SGCD: variants seen among roughly 807,000 people sequenced by gnomAD.
SGCD encodes the protein delta-sarcoglycan.
In SGCD, 18 loss-of-function variants were observed where a neutral mutation model predicts 36.6. The observed-to-expected ratio is 0.49, with a 90% CI of 0.34 to 0.73. The LOEUF (loss-of-function observed/expected upper bound fraction) is 0.73. SGCD is among the 30% of genes least tolerant of loss of function. SGCD has a pLI of 0.01. For synonymous variants in SGCD, 133 were observed against 130.6 expected, an observed-to-expected ratio of 1.02 and a Z score of -0.12; for missense variants, 387 against 346.7, an observed-to-expected ratio of 1.12 and a Z score of -0.92.
chr5:155,796,595 G>T, the SGCD span, among the ~76,000 whole-genome samples: 1 of 151,756 alleles, frequency 6.6e-6, no homozygotes, highest in Non-Finnish European at 1.5e-5. Context: ...CCTGAGGTCG[G>T]GAGTTTGAGA....
At chr5:155,857,997 T>A in the SGCD span, among the ~76,000 whole-genome samples, 1 of 152,234 alleles carries the variant, frequency 6.6e-6, no homozygotes, top group Non-Finnish European at 1.5e-5. Context: ...TTTGGTTGAA[T>A]GCTTTTTATT....
chr5:155,869,700 G>A (rs1014059996), upstream of SGCD, among the ~76,000 whole-genome samples: 1 of 151,610 alleles, frequency 6.6e-6, no homozygotes, highest in Admixed American at 6.6e-5. Flanking sequence ...GTACAAAAGA[G>A]ATATGAAACT....
At chr5:156,755,756 T>A (rs1000760782) in intron 7 of SGCD, among the ~76,000 whole-genome samples, 3 of 151,954 alleles carry the variant, frequency 2.0e-5, no homozygotes, top group Non-Finnish European at 4.4e-5. Flanking sequence ...GAAGAAAAAA[T>A]TATTTACATA....
chr5:156,312,420 C>A (rs1767413635), intron 3 of SGCD, among the ~76,000 whole-genome samples: 1 of 152,112 alleles, frequency 6.6e-6, no homozygotes, highest in Non-Finnish European at 1.5e-5. Context: ...GATTCTAAAA[C>A]CCAAGTGAAA....
intron 3 of SGCD, among the ~76,000 whole-genome samples, chr5:156,230,138 C>A (rs1764978813): frequency 1.3e-5 from 2 of 152,082 alleles, no homozygotes; most frequent in African/African-American, 2.4e-5. Flanking sequence ...TGGTGCTTCC[C>A]TGTTTAGCTT....
the SGCD span, among the ~76,000 whole-genome samples, chr5:155,830,374 G>A: frequency 2.0e-5 from 3 of 152,066 alleles, no homozygotes; most frequent in Admixed American, 1.3e-4. Flanking sequence ...CTCCAGTTCT[G>A]TTGGATTAGG....
At chr5:155,740,562 C>T in the SGCD span, among the ~76,000 whole-genome samples, 10 of 152,258 alleles carry the variant, frequency 6.6e-5, no homozygotes, top group South Asian at 8.3e-4. Context: ...CTGGCCCATG[C>T]GCTCAATCTT....
intron 3 of SGCD, among the ~76,000 whole-genome samples, chr5:156,233,761 T>G (rs921932304): frequency 2.0e-5 from 3 of 152,266 alleles, no homozygotes; most frequent in Admixed American, 1.3e-4. Flanking sequence ...GGTGCCTGCC[T>G]ATAGTCCCAG....
chr5:156,521,747 G>A (rs1014629743), intron 4 of SGCD, among the ~76,000 whole-genome samples: 4 of 152,138 alleles, frequency 2.6e-5, no homozygotes, highest in Admixed American at 2.6e-4. Flanking sequence ...ACTGTTGGTG[G>A]GAATATAAAT....
At chr5:156,387,953 T>C (rs6556574) in intron 3 of SGCD, among the ~76,000 whole-genome samples, 111,056 of 152,112 alleles carry the variant, frequency 0.73, 40,842 homozygotes, top group Middle Eastern at 0.88. Flanking sequence ...CTTCCCTTTC[T>C]ATTTCAACTC....
intron 3 of SGCD, among the ~76,000 whole-genome samples, chr5:156,217,484 C>T (rs912598447): frequency 3.9e-5 from 6 of 152,086 alleles, no homozygotes; most frequent in Non-Finnish European, 5.9e-5. Context: ...TTTCTTTCTA[C>T]GGTTGATTTT....
At chr5:156,214,730 G>A (rs1764530142) in intron 3 of SGCD, among the ~76,000 whole-genome samples, 2 of 151,980 alleles carry the variant, frequency 1.3e-5, no homozygotes. Context: ...AAACAGCATG[G>A]TGCTAGTGTA....
At chr5:156,708,302 G>T in intron 7 of SGCD, among the ~76,000 whole-genome samples, 1 of 150,226 alleles carries the variant, frequency 6.7e-6, no homozygotes, top group African/African-American at 2.4e-5. Flanking sequence ...AAAAGGAAAT[G>T]AAAATGCAGG....
At chr5:155,899,693 A>G (rs1325329040) in intron 1 of SGCD, among the ~76,000 whole-genome samples, 1 of 152,162 alleles carries the variant, frequency 6.6e-6, no homozygotes. Flanking sequence ...ATTAGTTAGA[A>G]TTTATGATTT....
intron 7 of SGCD, among the ~76,000 whole-genome samples, chr5:156,669,711 A>G (rs1184831744): frequency 2.6e-5 from 4 of 152,204 alleles, no homozygotes; most frequent in Non-Finnish European, 5.9e-5. Flanking sequence ...AAGCACAAAT[A>G]TGATCAAAGG....
At chr5:155,943,824 ACT>A (rs1757382771) in intron 1 of SGCD, among the ~76,000 whole-genome samples, 1 of 151,920 alleles carries the variant, frequency 6.6e-6, no homozygotes, top group African/African-American at 2.4e-5. Flanking sequence ...CTATTTACAG[ACT>A]CTCCATTGCA....
At chr5:156,239,030 G>A (rs907450381) in intron 3 of SGCD, among the ~76,000 whole-genome samples, 8 of 151,922 alleles carry the variant, frequency 5.3e-5, no homozygotes, top group African/African-American at 1.9e-4. Flanking sequence ...GCTTTCTTTG[G>A]GGGCCTCATT....
chr5:156,025,449 T>G (rs1167848391), intron 1 of SGCD, among the ~76,000 whole-genome samples: 2 of 152,188 alleles, frequency 1.3e-5, no homozygotes, highest in African/African-American at 4.8e-5. Flanking sequence ...TGTAGTATAT[T>G]TTCATGTTTG....
chr5:156,327,928 A>C (rs1285235253), intron 1 of SGCD, among the ~76,000 whole-genome samples: 3 of 152,228 alleles, frequency 2.0e-5, no homozygotes, highest in African/African-American at 2.4e-5. Context: ...CTCAAAAAAC[A>C]CTTCTGTATT....
Sources: gnomAD v4.1 joint callset for allele counts (sites outside exome capture counted in the v4.1 genomes callset) on GRCh38, gnomAD v4.1.1 for gene constraint, MANE v1.5 for transcripts, NCBI Gene and HGNC (gene_info 2026-07-23, HGNC 2026-07-21) for gene names.